Variants in PCDHA1 observed in about 807,000 individuals in gnomAD.
PCDHA1 encodes protocadherin alpha-1.
A neutral mutation model predicts 61.3 loss-of-function variants in PCDHA1; 42 were observed. That is an observed-to-expected ratio of 0.69 (90% CI 0.54 to 0.89). PCDHA1 has a LOEUF of 0.89. Ranked by LOEUF, PCDHA1 falls within the 40% of genes least tolerant of loss-of-function variation. The pLI, the probability that PCDHA1 is intolerant of heterozygous loss-of-function variation, is 0.00. For missense variants in PCDHA1, 1,256 were observed against 1,235.3 expected (o/e 1.02, Z -0.25); for synonymous variants, 610 against 553.8 (o/e 1.10, Z -1.43).
chr5:140,870,678 G>A (rs1304914174), intron 1 of PCDHA1: 3 of 1,612,744 alleles, frequency 1.9e-6, no homozygotes, highest in Non-Finnish European at 2.5e-6. Context: ...TGGACCACGA[G>A]GAGCTGGAGC....
intron 1 of PCDHA1, among the ~76,000 whole-genome samples, chr5:140,938,233 A>AC (rs1329361250): frequency 6.6e-6 from 1 of 152,210 alleles, no homozygotes; most frequent in African/African-American, 2.4e-5. Context: ...GGCATAGGCC[A>AC]CCATGCCTGG....
At chr5:140,921,681 C>T (rs1554200353) in intron 1 of PCDHA1, among the ~76,000 whole-genome samples, 1 of 152,136 alleles carries the variant, frequency 6.6e-6, no homozygotes, top group East Asian at 1.9e-4. Context: ...TATCATCAAA[C>T]ACTGGCCACC....
chr5:140,912,380 G>T (rs2075901164), intron 1 of PCDHA1, among the ~76,000 whole-genome samples: 1 of 150,372 alleles, frequency 6.7e-6, no homozygotes, highest in African/African-American at 2.4e-5. Flanking sequence ...AAAAGGGATT[G>T]AGTTCTTAAT....
intron 1 of PCDHA1, chr5:140,806,941 A>G (rs564481809): frequency 1.7e-4 from 98 of 566,622 alleles, no homozygotes; most frequent in African/African-American, 9.5e-4. Context: ...AGTTTACAGT[A>G]GAGTGTGTGG....
In PCDHA1 at chr5:140,858,082, G is replaced by C; in HGVS notation, c.2394+69398G>C. 4 of 1,597,832 alleles carry C rather than the reference G, an allele frequency of 2.5e-6. 1 individual carries two copies. Among genetic ancestry groups the C allele is most frequent in the Non-Finnish European group, 3.4e-6 (4 of 1,167,698 alleles). ...AGGGCAGCCAGGCACCCAAGGCCTC[G>C]TCGCGGGCTTCAGTGGGCGTGGCGC... On this transcript the variant is annotated intron_variant, in intron 1 of 3. Transcript: ENST00000504120.
intron 1 of PCDHA1, chr5:140,828,692 G>A (rs1373122002): frequency 1.2e-6 from 2 of 1,614,198 alleles, no homozygotes; most frequent in Non-Finnish European, 1.7e-6. Flanking sequence ...GAAATCCTTG[G>A]ACAGAGAGGA....
intron 1 of PCDHA1, among the ~76,000 whole-genome samples, chr5:140,976,828 C>G (rs935294640): frequency 6.6e-6 from 1 of 152,262 alleles, no homozygotes; most frequent in Admixed American, 6.5e-5. Flanking sequence ...GTCTAATGAG[C>G]AAAACAGATA....
At chr5:140,954,591 G>A (rs951330274) in intron 1 of PCDHA1, among the ~76,000 whole-genome samples, 3 of 152,062 alleles carry the variant, frequency 2.0e-5, no homozygotes, top group Non-Finnish European at 2.9e-5. Context: ...GTCTGTTCAT[G>A]TTCTTTGCCC....
intron 1 of PCDHA1, chr5:140,877,939 A>G (rs2057403639): frequency 7.2e-7 from 1 of 1,379,672 alleles, no homozygotes. Context: ...TCTATCCTTT[A>G]AACTATCGAA....
At chr5:140,807,097 A>G in intron 1 of PCDHA1, 1 of 1,390,244 alleles carries the variant, frequency 7.2e-7, no homozygotes, top group Non-Finnish European at 9.9e-7. Flanking sequence ...TGAAATATGG[A>G]GGATGCAGCT....
intron 1 of PCDHA1, chr5:140,810,927 C>T (rs1764757757): frequency 6.6e-6 from 1 of 152,084 alleles, no homozygotes; most frequent in Non-Finnish European, 1.5e-5. Context: ...TCATTGTTTA[C>T]ATTACATCTA....
chr5:140,869,371 A>G (rs559164668), intron 1 of PCDHA1: 1 of 1,614,110 alleles, frequency 6.2e-7, no homozygotes, highest in East Asian at 2.2e-5. Flanking sequence ...GAATTCTCGG[A>G]TCGACCGCGA....
chr5:140,906,702 T>C (rs1315678574), intron 1 of PCDHA1, among the ~76,000 whole-genome samples: 2 of 152,232 alleles, frequency 1.3e-5, no homozygotes, highest in African/African-American at 2.4e-5. Context: ...GGGCCATTTG[T>C]AGTCCTGCCT....
At chr5:140,933,133 G>T (rs782720038) in intron 1 of PCDHA1, among the ~76,000 whole-genome samples, 1 of 151,914 alleles carries the variant, frequency 6.6e-6, no homozygotes, top group Non-Finnish European at 1.5e-5. Context: ...AATAATAAAG[G>T]TAGATAGCCA....
At position 140,857,263 on chromosome 5, in the gene PCDHA1, A is replaced by G. The variant is rs367883816; in HGVS notation, c.2394+68579A>G. On this transcript the variant is annotated intron_variant, in intron 1 of 3. Coordinates refer to ENST00000504120, the MANE Select transcript of PCDHA1 (RefSeq NM_018900.4). The stretch of plus-strand genomic sequence containing the variant: ...TGTCCACCTACAAGAATTACTACTC[A>G]TTGGTGCTGGACAGCGCTCTGGACC... 5.0e-5 allele frequency: 80 copies of G among 1,598,534 alleles called. 2 individuals carry two copies. In the East Asian group the frequency reaches 1.3e-3, roughly 25 times the overall value.
In PCDHA1 at chr5:141,011,583, A is replaced by G. The variant is rs2098421115; in HGVS notation, c.*1646A>G. On this transcript the variant is annotated 3_prime_UTR_variant, in exon 4 of 4. Transcript: ENST00000504120. ...AGTAAAATTTCTTTCTTAAATCAAG[A>G]TACTGGTGATTCAAGGAATTTTATT... is the stretch of plus-strand genomic sequence containing the variant. 1 of 153,656 alleles carries G rather than the reference A, an allele frequency of 6.5e-6. No individual in the cohort carries two copies. Among genetic ancestry groups the G allele is most frequent in the Admixed American group, 6.6e-5 (1 of 15,258 alleles). The allele number at this position is 153,656 out of a possible 1,614,324, so 9.5% of individuals were successfully genotyped here.
At chr5:140,863,351 C>T in intron 1 of PCDHA1, 1 of 1,288,680 alleles carries the variant, frequency 7.8e-7, no homozygotes, top group Non-Finnish European at 1.1e-6. Context: ...CTGTACACGA[C>T]GCTGCGGTGC....
At chr5:140,888,994 T>G (rs1486471421) in intron 1 of PCDHA1, among the ~76,000 whole-genome samples, 1 of 152,272 alleles carries the variant, frequency 6.6e-6, no homozygotes, top group African/African-American at 2.4e-5. Context: ...TATGATTTTC[T>G]TATGGCAAAC....
chr5:140,836,520 C>T (rs1450136766), intron 1 of PCDHA1: 2 of 1,613,738 alleles, frequency 1.2e-6, no homozygotes, highest in Admixed American at 1.7e-5. Context: ...TCTGTTGGTG[C>T]TTACCCTGCT....
Sources: gnomAD v4.1 joint callset for allele counts (sites outside exome capture counted in the v4.1 genomes callset) on GRCh38, gnomAD v4.1.1 for gene constraint, MANE v1.5 for transcripts, NCBI Gene and HGNC (gene_info 2026-07-23, HGNC 2026-07-21) for gene names.